The following ASTN2 variants were observed in gnomAD, a reference collection of about 807,000 sequenced individuals.
ASTN2 encodes the protein astrotactin-2.
A neutral mutation model predicts 139.8 loss-of-function variants in ASTN2; 54 were observed. That is an observed-to-expected ratio of 0.39 (90% CI 0.31 to 0.48). The LOEUF (loss-of-function observed/expected upper bound fraction) is 0.48. ASTN2 is among the 20% of genes least tolerant of loss of function. ASTN2 has a pLI of 0.95. For missense variants in ASTN2, 1,565 were observed against 1,725.1 expected, an observed-to-expected ratio of 0.91 and a Z score of 1.64; for synonymous variants, 756 against 719.5, an observed-to-expected ratio of 1.05 and a Z score of -0.81.
intron 22 of ASTN2, among the ~76,000 whole-genome samples, chr9:116,429,326 C>T (rs894276369): frequency 1.0e-4 from 10 of 100,390 alleles, no homozygotes; most frequent in African/African-American, 4.0e-4. Flanking sequence ...GCAACAATAG[C>T]GAAACTCTAT....
At chr9:116,598,559 A>C (rs1303180843) in intron 19 of ASTN2, among the ~76,000 whole-genome samples, 1 of 152,242 alleles carries the variant, frequency 6.6e-6, no homozygotes, top group Admixed American at 6.5e-5. Flanking sequence ...AACCAACCAC[A>C]TATTTTTAGG....
intron 16 of ASTN2, among the ~76,000 whole-genome samples, chr9:116,662,524 G>T (rs533720753): frequency 2.6e-5 from 4 of 151,960 alleles, no homozygotes; most frequent in African/African-American, 7.2e-5. Context: ...AGTAAGCAGA[G>T]ATTGCACCAT....
intron 1 of ASTN2, among the ~76,000 whole-genome samples, chr9:117,349,444 C>T (rs1829322825): frequency 6.6e-6 from 1 of 152,156 alleles, no homozygotes; most frequent in African/African-American, 2.4e-5. Flanking sequence ...GACATGGCCC[C>T]CTGCCTTCAG....
At chr9:116,889,297 T>C (rs948114005) in intron 10 of ASTN2, among the ~76,000 whole-genome samples, 3 of 152,208 alleles carry the variant, frequency 2.0e-5, no homozygotes, top group East Asian at 3.9e-4. Flanking sequence ...TCTGGATATG[T>C]GGATGTGGCC....
chr9:116,788,957 C>A (rs866852166), intron 13 of ASTN2, among the ~76,000 whole-genome samples: 29 of 152,134 alleles, frequency 1.9e-4, no homozygotes, highest in Admixed American at 3.9e-4. Context: ...GAGCACAAAG[C>A]TGAAGCAAAT....
At chr9:116,988,148 A>G (rs948369552) in intron 7 of ASTN2, among the ~76,000 whole-genome samples, 1 of 152,254 alleles carries the variant, frequency 6.6e-6, no homozygotes, top group African/African-American at 2.4e-5. Context: ...TGCTGAATTC[A>G]GTTGTTAGGG....
intron 4 of ASTN2, among the ~76,000 whole-genome samples, chr9:117,122,890 C>A (rs764054214): frequency 6.6e-6 from 1 of 152,096 alleles, no homozygotes; most frequent in Non-Finnish European, 1.5e-5. Flanking sequence ...AAGCTTTTAA[C>A]CCTCAATGTC....
chr9:116,680,511 C>G, intron 16 of ASTN2, among the ~76,000 whole-genome samples: 1 of 152,162 alleles, frequency 6.6e-6, no homozygotes, highest in East Asian at 1.9e-4. Flanking sequence ...GGAATCCTCC[C>G]TAACTCATTT....
intron 16 of ASTN2, among the ~76,000 whole-genome samples, chr9:116,703,418 A>G (rs1276262700): frequency 6.6e-6 from 1 of 151,900 alleles, no homozygotes; most frequent in Admixed American, 6.6e-5. Flanking sequence ...ATTTTCTCCC[A>G]TGTTGTAGGG....
At chr9:116,693,539 TG>T (rs34052323) in intron 16 of ASTN2, among the ~76,000 whole-genome samples, 2,342 of 152,262 alleles carry the variant, frequency 0.015, 64 homozygotes, top group African/African-American at 0.054. Context: ...TAGTACAGTA[TG>T]GTATGGGATG....
chr9:117,053,163 G>A (rs1021306142), intron 5 of ASTN2, among the ~76,000 whole-genome samples: 3 of 152,088 alleles, frequency 2.0e-5, no homozygotes, highest in African/African-American at 7.2e-5. Context: ...CCTCTGTGTA[G>A]GTAGTGGATT....
intron 13 of ASTN2, among the ~76,000 whole-genome samples, chr9:116,794,447 A>C (rs1193121627): frequency 6.6e-6 from 1 of 152,156 alleles, no homozygotes; most frequent in Non-Finnish European, 1.5e-5. Context: ...ATTAGGCCAC[A>C]TTCAAAGCCA....
intron 19 of ASTN2, among the ~76,000 whole-genome samples, chr9:116,550,216 T>C (rs1852281084): frequency 6.6e-6 from 1 of 152,318 alleles, no homozygotes; most frequent in Non-Finnish European, 1.5e-5. Context: ...TTTACATCCA[T>C]ATAACGTCTC....
intron 22 of ASTN2, among the ~76,000 whole-genome samples, chr9:116,428,559 C>A (rs1847385262): frequency 6.6e-6 from 1 of 151,674 alleles, no homozygotes; most frequent in Non-Finnish European, 1.5e-5. Flanking sequence ...AGCATAGAGA[C>A]AAGAGATGCA....
At chr9:117,328,603 A>G (rs923879263) in intron 1 of ASTN2, among the ~76,000 whole-genome samples, 5 of 152,172 alleles carry the variant, frequency 3.3e-5, no homozygotes, top group Admixed American at 1.3e-4. Flanking sequence ...TTGTTAATTA[A>G]TCCCTCACCA....
intron 20 of ASTN2, among the ~76,000 whole-genome samples, chr9:116,476,437 T>C (rs1564303281): frequency 6.6e-6 from 1 of 152,098 alleles, no homozygotes; most frequent in African/African-American, 2.4e-5. Context: ...CAGCGGAGGG[T>C]TCCCCTGGCT....
intron 4 of ASTN2, among the ~76,000 whole-genome samples, chr9:117,133,779 A>T (rs1829878746): frequency 6.6e-6 from 1 of 152,192 alleles, no homozygotes; most frequent in Non-Finnish European, 1.5e-5. Flanking sequence ...TTCTTCACAG[A>T]GAAAATGGTT....
At chr9:116,756,549 A>G (rs1452996872) in intron 13 of ASTN2, among the ~76,000 whole-genome samples, 1 of 152,164 alleles carries the variant, frequency 6.6e-6, no homozygotes, top group Non-Finnish European at 1.5e-5. Flanking sequence ...CCAAAGCCAC[A>G]GAGAGAATTT....
chr9:116,489,048 C>T (rs1440516640), intron 19 of ASTN2, among the ~76,000 whole-genome samples: 1 of 152,092 alleles, frequency 6.6e-6, no homozygotes. Context: ...TTTCTTCATG[C>T]CTGATAGAGA....
Sources: allele counts gnomAD v4.1 joint callset (sites outside exome capture counted in the v4.1 genomes callset), GRCh38; gene constraint gnomAD v4.1.1; transcripts MANE v1.5; gene names NCBI Gene and HGNC (gene_info 2026-07-23, HGNC 2026-07-21).